RBFOX1: variants seen among roughly 807,000 people sequenced by gnomAD.
RBFOX1 encodes the protein RNA binding protein fox-1 homolog 1.
In RBFOX1, 8 loss-of-function variants were observed where a neutral mutation model predicts 57.7. The ratio of observed to expected loss-of-function variants is 0.14; its 90% CI spans 0.08 to 0.25. RBFOX1 has a LOEUF of 0.25. RBFOX1 is among the 10% of genes least tolerant of loss of function. The probability of loss-of-function intolerance (pLI) is 1.00; values close to 1 mark genes in which losing one functional copy is unlikely to be tolerated. For synonymous variants in RBFOX1, 326 were observed against 222.4 expected (o/e 1.47, Z -4.15); for missense variants, 611 against 548.5 (o/e 1.11, Z -1.14).
intron 1 of RBFOX1, among the ~76,000 whole-genome samples, chr16:6,244,382 G>C (rs1180592385): frequency 6.6e-6 from 1 of 152,182 alleles, no homozygotes; most frequent in Non-Finnish European, 1.5e-5. Context: ...AGGGAGATCA[G>C]AGAGTCCACC....
At chr16:6,549,101 CGGGGAGGAAAGAGAAGGAAGA>C (rs1354909802) in intron 2 of RBFOX1, among the ~76,000 whole-genome samples, 29 of 72,662 alleles carry the variant, frequency 4.0e-4, no homozygotes, top group African/African-American at 1.6e-3. Flanking sequence ...GAAGAGGAGG[CGGGGAGGAAAGAGAAGGAAGA>C]GGGGAGGAAG....
intron 3 of RBFOX1, among the ~76,000 whole-genome samples, chr16:6,927,022 T>A (rs978917860): frequency 6.6e-6 from 1 of 152,086 alleles, no homozygotes; most frequent in Non-Finnish European, 1.5e-5. Context: ...AACCAGCGAT[T>A]ACTATTAACC....
chr16:5,254,704 T>A (rs1403621441), intron 1 of RBFOX1, among the ~76,000 whole-genome samples: 1 of 152,188 alleles, frequency 6.6e-6, no homozygotes, highest in Non-Finnish European at 1.5e-5. Flanking sequence ...CAACAACAGT[T>A]CCAGCGTTTA....
At chr16:6,704,278 C>G (rs945174366) in intron 3 of RBFOX1, 21 of 152,246 alleles carry the variant, frequency 1.4e-4, no homozygotes, top group African/African-American at 4.8e-4. Context: ...CCCTGCTCCA[C>G]AGAGATATGC....
intron 2 of RBFOX1, among the ~76,000 whole-genome samples, chr16:6,506,712 A>T (rs1042687489): frequency 7.7e-6 from 1 of 129,940 alleles, no homozygotes; most frequent in Non-Finnish European, 1.5e-5. Flanking sequence ...CAGTGGCTTC[A>T]TCTTGGCTTA....
chr16:7,194,536 G>C (rs1025662568), intron 4 of RBFOX1, among the ~76,000 whole-genome samples: 2 of 152,176 alleles, frequency 1.3e-5, no homozygotes, highest in African/African-American at 4.8e-5. Context: ...TTACCAAACA[G>C]ATACTCATTA....
At chr16:6,891,255 C>G (rs1364425188) in intron 3 of RBFOX1, among the ~76,000 whole-genome samples, 1 of 152,178 alleles carries the variant, frequency 6.6e-6, no homozygotes, top group Non-Finnish European at 1.5e-5. Context: ...CCTGCTAGCA[C>G]TTTATAAGAA....
intron 4 of RBFOX1, among the ~76,000 whole-genome samples, chr16:7,055,463 C>G (rs74008583): frequency 6.6e-6 from 1 of 152,176 alleles, no homozygotes; most frequent in Non-Finnish European, 1.5e-5. Flanking sequence ...GTTGGCCTTT[C>G]TTTCCTTCTT....
At chr16:6,816,073 T>C (rs978984228) in intron 3 of RBFOX1, among the ~76,000 whole-genome samples, 1 of 152,294 alleles carries the variant, frequency 6.6e-6, no homozygotes, top group African/African-American at 2.4e-5. Context: ...TTTTGGAGGC[T>C]GAGGCAGGAG....
At chr16:6,923,143 G>A (rs147511919) in intron 3 of RBFOX1, among the ~76,000 whole-genome samples, 135 of 152,262 alleles carry the variant, frequency 8.9e-4, no homozygotes, top group Middle Eastern at 3.4e-3. Flanking sequence ...AAAGCAGCTG[G>A]TCCAGTGTGA....
At chr16:7,512,096 A>C (rs944384206) in intron 4 of RBFOX1, among the ~76,000 whole-genome samples, 1 of 152,140 alleles carries the variant, frequency 6.6e-6, no homozygotes, top group Non-Finnish European at 1.5e-5. Flanking sequence ...TGATCATTCC[A>C]CTTATTTAGG....
At chr16:6,737,286 G>C (rs1159726729) in intron 3 of RBFOX1, among the ~76,000 whole-genome samples, 1 of 152,154 alleles carries the variant, frequency 6.6e-6, no homozygotes, top group East Asian at 1.9e-4. Context: ...GTTCACTTGT[G>C]ATTATCCCTA....
chr16:5,567,382 C>G (rs1391666929), intron 2 of RBFOX1, among the ~76,000 whole-genome samples: 1 of 152,118 alleles, frequency 6.6e-6, no homozygotes, highest in Non-Finnish European at 1.5e-5. Flanking sequence ...TCCAAGCTCA[C>G]TCTTAAGTAT....
At chr16:6,280,566 A>G (rs2076266174) in intron 1 of RBFOX1, among the ~76,000 whole-genome samples, 2 of 152,158 alleles carry the variant, frequency 1.3e-5, no homozygotes, top group African/African-American at 4.8e-5. Flanking sequence ...GGAGGACATA[A>G]GCACACAGGC....
chr16:5,555,144 A>G (rs1165020748), intron 2 of RBFOX1, among the ~76,000 whole-genome samples: 1 of 152,240 alleles, frequency 6.6e-6, no homozygotes, highest in African/African-American at 2.4e-5. Context: ...CCTTGCCTGC[A>G]TCTAGCTACC....
intron 3 of RBFOX1, among the ~76,000 whole-genome samples, chr16:5,732,763 C>A (rs1459216117): frequency 6.6e-6 from 1 of 152,124 alleles, no homozygotes; most frequent in East Asian, 1.9e-4. Flanking sequence ...CTCCCAGGTC[C>A]TAGGGGAGGA....
chr16:5,296,277 G>A (rs2063666051), intron 1 of RBFOX1, among the ~76,000 whole-genome samples: 1 of 151,894 alleles, frequency 6.6e-6, no homozygotes, highest in Non-Finnish European at 1.5e-5. Context: ...GAGGGACTAT[G>A]TTTCGGGTGG....
At chr16:7,333,842 C>T (rs56240677) in intron 4 of RBFOX1, among the ~76,000 whole-genome samples, 43 of 152,058 alleles carry the variant, frequency 2.8e-4, no homozygotes, top group Non-Finnish European at 5.9e-4. Context: ...TGAAGTTCTC[C>T]GTTGAAAGCT....
intron 2 of RBFOX1, among the ~76,000 whole-genome samples, chr16:6,514,586 T>A (rs73528470): frequency 0.022 from 3,336 of 152,246 alleles, 137 homozygotes; most frequent in African/African-American, 0.077. Context: ...GGGGGAGCAT[T>A]CCTGATGTTC....
Sources: allele counts gnomAD v4.1 joint callset (sites outside exome capture counted in the v4.1 genomes callset), GRCh38; gene constraint gnomAD v4.1.1; transcripts MANE v1.5; gene names NCBI Gene and HGNC (gene_info 2026-07-23, HGNC 2026-07-21).